The following SYN3 variants were observed in gnomAD, a reference collection of about 807,000 sequenced individuals.
SYN3 encodes synapsin-3.
Under a neutral mutation model 65.8 loss-of-function variants are expected in SYN3, and 35 were observed. That is an observed-to-expected ratio of 0.53 (90% CI 0.41 to 0.70). The LOEUF (loss-of-function observed/expected upper bound fraction) is 0.70, where lower values mean the gene tolerates loss of function less well. Ranked by LOEUF, SYN3 falls within the 30% of genes least tolerant of loss-of-function variation. SYN3 has a pLI of 0.00. For missense variants in SYN3, 680 were observed against 749.0 expected (o/e 0.91, Z 1.08); for synonymous variants, 270 against 292.9 (o/e 0.92, Z 0.80).
chr22:32,687,086 G>A (rs1371844638), intron 6 of SYN3, among the ~76,000 whole-genome samples: 1 of 152,102 alleles, frequency 6.6e-6, no homozygotes, highest in East Asian at 1.9e-4. Flanking sequence ...ACTGCCCCAG[G>A]TGCCCAGGCT....
chr22:32,909,452 A>G (rs1223586245), intron 4 of SYN3, among the ~76,000 whole-genome samples: 1 of 152,140 alleles, frequency 6.6e-6, no homozygotes, highest in East Asian at 1.9e-4. Flanking sequence ...GGATGGCTGC[A>G]ATTCTTTATT....
intron 1 of SYN3, among the ~76,000 whole-genome samples, chr22:33,053,292 G>A (rs1445295575): frequency 4.6e-5 from 7 of 152,086 alleles, no homozygotes; most frequent in South Asian, 2.1e-4. Context: ...GTGCGGTGGC[G>A]GGTGCCTATA....
chr22:32,562,933 T>G (rs1319848783), intron 7 of SYN3, among the ~76,000 whole-genome samples: 1 of 152,226 alleles, frequency 6.6e-6, no homozygotes, highest in Non-Finnish European at 1.5e-5. Flanking sequence ...GAACTCCAGT[T>G]CCAGCTGGGA....
At chr22:32,717,381 C>G (rs377022625) in intron 6 of SYN3, among the ~76,000 whole-genome samples, 1 of 152,196 alleles carries the variant, frequency 6.6e-6, no homozygotes, top group Non-Finnish European at 1.5e-5. Flanking sequence ...CATCACCAAT[C>G]TCTCCCATAT....
chr22:32,961,791 G>A (rs1166939870), intron 3 of SYN3, among the ~76,000 whole-genome samples: 2 of 152,232 alleles, frequency 1.3e-5, no homozygotes, highest in Non-Finnish European at 2.9e-5. Context: ...TTACAAATGA[G>A]TCAACTTACA....
chr22:32,513,847 T>C, intron 13 of SYN3, 23 bp from the exon 14 acceptor site: 1 of 1,612,928 alleles, frequency 6.2e-7, no homozygotes, highest in South Asian at 1.1e-5. Context: ...GGCAAGGGGG[T>C]TGAGGAAGAC....
intron 6 of SYN3, among the ~76,000 whole-genome samples, chr22:32,716,545 T>A (rs1359186607): frequency 6.6e-6 from 1 of 152,056 alleles, no homozygotes. Flanking sequence ...TTGTTTGTTT[T>A]TTTGAGACAG....
Position 33,052,889 on chromosome 22 carries a change from GATC to G in SYN3, c.-163+5400_-163+5402del, listed in dbSNP as rs576118623. On this transcript the variant is annotated intron_variant, in intron 1 of 13. Transcript: ENST00000358763. ...ATCCAGGATGCTTTCTAAACATACA[GATC>G]ATCATTTTTCATTTCAACCCATCTA... Among the ~76,000 whole-genome samples, 776 of 152,282 alleles carry G rather than the reference GATC, an allele frequency of 5.1e-3. 9 individuals carry two copies. The highest frequency in any genetic ancestry group is 6.0e-3 in the Non-Finnish European group (406 of 68,034).
At position 32,508,525 on chromosome 22, in the gene SYN3, A is replaced by G. The variant is rs2057657402; in HGVS notation, c.*5167T>C. 6.6e-6 allele frequency among the ~76,000 whole-genome samples: 1 copy of G among 152,108 alleles called. No individual in the cohort carries two copies. The highest frequency in any genetic ancestry group is 2.1e-4 in the South Asian group (1 of 4,820). ...GAAAGGGGCCCCAAGGAGAGGTCTC[A>G]TGTTCTCATTCTGCCTCCTCCCATT... is the stretch of plus-strand genomic sequence containing the variant. On this transcript the variant is annotated 3_prime_UTR_variant, in exon 14 of 14. Coordinates refer to ENST00000358763, the MANE Select transcript of SYN3 (RefSeq NM_003490.4).
At chr22:32,695,244 T>TA (rs1171021171) in intron 6 of SYN3, among the ~76,000 whole-genome samples, 1 of 152,212 alleles carries the variant, frequency 6.6e-6, no homozygotes, top group Non-Finnish European at 1.5e-5. Context: ...TTTCTTTCAT[T>TA]AAAAAACTCT....
At chr22:32,515,861 C>T (rs944603649) in intron 13 of SYN3, among the ~76,000 whole-genome samples, 4 of 152,040 alleles carry the variant, frequency 2.6e-5, no homozygotes, top group Admixed American at 1.3e-4. Flanking sequence ...TGCAGTGGCA[C>T]GATCTCAGCT....
intron 6 of SYN3, among the ~76,000 whole-genome samples, chr22:32,725,543 A>G (rs2061178445): frequency 6.6e-6 from 1 of 152,182 alleles, no homozygotes; most frequent in Non-Finnish European, 1.5e-5. Flanking sequence ...CTTGCATTCT[A>G]CGCGTGGGCT....
intron 2 of SYN3, among the ~76,000 whole-genome samples, chr22:32,990,668 T>C (rs2052687427): frequency 6.6e-6 from 1 of 152,158 alleles, no homozygotes; most frequent in Non-Finnish European, 1.5e-5. Flanking sequence ...TTACTCTGAC[T>C]CCTGTCTTCT....
At chr22:32,667,243 A>T (rs2060301382) in intron 6 of SYN3, among the ~76,000 whole-genome samples, 1 of 143,352 alleles carries the variant, frequency 7.0e-6, no homozygotes, top group Non-Finnish European at 1.5e-5. Context: ...TTCCTCACTC[A>T]CTCACTCCCT....
At chr22:32,632,572 A>G (rs1205954584) in intron 6 of SYN3, among the ~76,000 whole-genome samples, 3 of 152,170 alleles carry the variant, frequency 2.0e-5, no homozygotes, top group Admixed American at 2.0e-4. Context: ...GAGAATCTCC[A>G]AAGTTCCTTC....
intron 6 of SYN3, among the ~76,000 whole-genome samples, chr22:32,835,688 C>T (rs2047710012): frequency 6.6e-6 from 1 of 152,174 alleles, no homozygotes; most frequent in Non-Finnish European, 1.5e-5. Context: ...TTGCCATACT[C>T]TTTGGTCCAA....
intron 1 of SYN3, among the ~76,000 whole-genome samples, chr22:33,011,326 TTA>T (rs1281598825): frequency 1.3e-5 from 2 of 152,208 alleles, no homozygotes; most frequent in Non-Finnish European, 1.5e-5. Flanking sequence ...ATTGAGAGGA[TTA>T]TATGTTTTTG....
chr22:32,636,948 T>C (rs2059825145), intron 6 of SYN3, among the ~76,000 whole-genome samples: 1 of 152,158 alleles, frequency 6.6e-6, no homozygotes, highest in Admixed American at 6.5e-5. Context: ...TGTCCCAGTA[T>C]ATAGAACAGA....
chr22:33,010,027 G>C (rs1373777146), intron 1 of SYN3, among the ~76,000 whole-genome samples: 2 of 152,140 alleles, frequency 1.3e-5, no homozygotes, highest in Non-Finnish European at 2.9e-5. Flanking sequence ...GAGGTCTGCA[G>C]TTCGAGACCA....
Sources: gnomAD v4.1 joint callset for allele counts (sites outside exome capture counted in the v4.1 genomes callset) on GRCh38, gnomAD v4.1.1 for gene constraint, MANE v1.5 for transcripts, NCBI Gene and HGNC (gene_info 2026-07-23, HGNC 2026-07-21) for gene names.